ARC: variants seen among roughly 807,000 people sequenced by gnomAD.
ARC encodes the protein activity-regulated cytoskeleton-associated protein.
A neutral mutation model predicts 20.0 loss-of-function variants in ARC; 10 were observed. The ratio of observed to expected loss-of-function variants is 0.50; its 90% CI spans 0.31 to 0.85. ARC has a LOEUF of 0.85. ARC is among the 40% of genes least tolerant of loss of function. The probability of loss-of-function intolerance (pLI) is 0.05; values close to 1 mark genes in which losing one functional copy is unlikely to be tolerated. For synonymous variants in ARC, 269 were observed against 254.1 expected (o/e 1.06, Z -0.56); for missense variants, 454 against 555.5 (o/e 0.82, Z 1.84).
rs371921712 is a variant in ARC, at chr8:142,613,133, G to T, written c.1139C>A (p.Thr380Lys). The stretch of plus-strand genomic sequence containing the variant: ...CACGGACTCGCTGTTGGGGGCGGGC[G>T]TGAGGGTCTCCGCCTCATCCTCCAC... ...LPVEDEAETL[T>K]PAPNSESVAS... The change falls in exon 1 of 3, where the codon ACG (threonine) becomes AAG (lysine). Residue 380 changes from threonine to lysine, a missense_variant. By Grantham distance (78) the Thr-to-Lys change is moderately conservative. This residue lies in a region of ARC where 72 missense variants were observed against 59.4 expected (regional missense o/e 1.21). Transcript: ENST00000356613. The T allele has an allele frequency of 9.4e-6, 15 of 1,591,662 alleles. No homozygotes were observed. The highest frequency in any genetic ancestry group is 1.2e-5 in the Non-Finnish European group (14 of 1,169,858).
chr8:142,614,063 T>G lies in ARC; in HGVS notation c.209A>C (p.Lys70Thr), dbSNP rs1443955798. 1 of 1,603,556 alleles carries G rather than the reference T, an allele frequency of 6.2e-7. No homozygotes were observed. The highest frequency in any genetic ancestry group is 1.1e-5 in the South Asian group (1 of 90,564). Residue 70 changes from lysine to threonine, a missense_variant, in exon 1 of 3, where the codon AAG becomes ACG. Around this residue, in one of 3 missense-constraint regions of ARC, gnomAD observed 265 missense variants for 301.7 expected, o/e 0.88. Coordinates refer to ENST00000356613, the MANE Select transcript of ARC (RefSeq NM_015193.5). ...GTAGCCGTCCAGGTTGCTCTCCAGC[T>G]TCCCGACCGACCGGTGCAGCCCCTT... ...ELKGLHRSVGKLESNLDGYVP... is the reference protein window; with the variant it reads ...ELKGLHRSVGTLESNLDGYVP...
At position 142,613,717 on chromosome 8, in the gene ARC, C is replaced by T. The variant is rs200603512; in HGVS notation, c.555G>A (p.Gly185=). ...ACTGCTGGGCCTCGGCGGGCTCCTG[C>T]CCGGGCAGCTCGCCAGCGGCTGGGG... ...TPPPAAGELP[G]QEPAEAQQYQ... The change falls in exon 1 of 3, where the codon GGG becomes GGA. Residue 185 remains glycine, a synonymous_variant. Coordinates refer to ENST00000356613, the MANE Select transcript of ARC (RefSeq NM_015193.5). The T allele has an allele frequency of 4.5e-6, 7 of 1,557,274 alleles. No homozygotes were observed. In the East Asian group the frequency reaches 1.6e-4, roughly 36 times the overall value.
Position 142,614,402 on chromosome 8 carries a change from CGGG to C in ARC, c.-134_-132del. The C allele has an allele frequency of 1.2e-6, 1 of 820,344 alleles. No homozygotes were observed. Among genetic ancestry groups the C allele is most frequent in the Non-Finnish European group, 1.6e-6 (1 of 612,852 alleles). The allele number at this position is 820,344 out of a possible 1,614,324, so 50.8% of individuals were successfully genotyped here. A position where few individuals can be genotyped will look rare whatever the true frequency, so the allele number is the denominator to read the frequency against. On this transcript the variant is annotated 5_prime_UTR_variant, in exon 1 of 3. Coordinates refer to ENST00000356613, the MANE Select transcript of ARC (RefSeq NM_015193.5). The stretch of plus-strand genomic sequence containing the variant: ...CCTGTCTGTCGCTGCGGGCCGGCGG[CGGG>C]GCCGGCGGAGCACGCCCGGGGAGGC...
In ARC at chr8:142,614,312, C is replaced by A. The variant is rs1385199125; in HGVS notation, c.-41G>T. 3 of 1,360,464 alleles carry A rather than the reference C, an allele frequency of 2.2e-6. No individual in the cohort carries two copies. The highest frequency in any genetic ancestry group is 2.8e-6 in the Non-Finnish European group (3 of 1,059,394). The allele number at this position is 1,360,464 out of a possible 1,614,324, so 84.3% of individuals were successfully genotyped here. A position where few individuals can be genotyped will look rare whatever the true frequency, so the allele number is the denominator to read the frequency against. On this transcript the variant is annotated 5_prime_UTR_variant, in exon 1 of 3. Transcript: ENST00000356613. ...CCGGCAGGCGGCAAACTCCTCGGGG[C>A]GGACAGAGGGTGGTCCGGCGCTGGG...
chr8:142,612,886 G>A lies in ARC; in HGVS notation c.*195C>T. The stretch of plus-strand genomic sequence containing the variant: ...GAGGGTGATGGGTGGAGCCCTGCAG[G>A]GGGGAGGGCTCTTTGCCGCTGGGTG... On this transcript the variant is annotated 3_prime_UTR_variant, in exon 1 of 3. Transcript: ENST00000356613. The A allele has an allele frequency of 1.8e-6, 1 of 561,478 alleles. No individual in the cohort carries two copies. The highest frequency in any genetic ancestry group is 3.2e-6 in the Non-Finnish European group (1 of 317,202). The allele number at this position is 561,478 out of a possible 1,614,324, so 34.8% of individuals were successfully genotyped here. A position where few individuals can be genotyped will look rare whatever the true frequency, so the allele number is the denominator to read the frequency against.
chr8:142,613,650 C>T lies in ARC; in HGVS notation c.622G>A (p.Gly208Ser). The change falls in exon 1 of 3, where the codon GGC (glycine) becomes AGC (serine). Residue 208 changes from glycine (G) to serine (S), a missense_variant. Gly to Ser is a moderately conservative substitution (Grantham distance 56, BLOSUM62 0). Coordinates refer to ENST00000356613, the MANE Select transcript of ARC (RefSeq NM_015193.5). ...TCCTCGAAGATCTGCGTGTCCACGC[C>T]GGGGCTGGGCTGCCCGTCCTCGCCG... is the stretch of plus-strand genomic sequence containing the variant. Reference protein sequence around the residue: ...VPGEDGQPSPGVDTQIFEDPR... With the variant: ...VPGEDGQPSPSVDTQIFEDPR... 2 of 1,570,596 alleles carry T rather than the reference C, an allele frequency of 1.3e-6. No homozygotes were observed. The highest frequency in any genetic ancestry group is 8.6e-7 in the Non-Finnish European group (1 of 1,158,880).
Position 142,613,791 on chromosome 8 carries a change from C to A in ARC, c.481G>T (p.Glu161Ter). ...ACGGTGTAGTCGTAGCCGTCTGCCTCGTGGCAGTAGCTCTCGGGACCCCCC... is the reference window on the plus strand; with the variant it reads ...ACGGTGTAGTCGTAGCCGTCTGCCTAGTGGCAGTAGCTCTCGGGACCCCCC... ...GVGGPESYCH[E>*]ADGYDYTVSP... Residue 161 changes from glutamate (E) to a stop codon, truncating the protein, a stop_gained, in exon 1 of 3, where the codon GAG becomes TAG. Transcript: ENST00000356613. LOFTEE classifies it high-confidence loss of function. 1 of 1,552,944 alleles carries A rather than the reference C, an allele frequency of 6.4e-7. No homozygotes were observed. Among genetic ancestry groups the A allele is most frequent in the Non-Finnish European group, 8.6e-7 (1 of 1,156,128 alleles).
rs1846278804 is a variant in ARC at position 142,613,624 on chromosome 8, G to A, written c.648C>T (p.Asp216=). The stretch of plus-strand genomic sequence containing the variant: ...CTAGGTGGCTCAGGAACTCTCGAGG[G>A]TCCTCGAAGATCTGCGTGTCCACGC... ...SPGVDTQIFE[D]PREFLSHLEE... is the part of the protein sequence containing the mutation. Residue 216 remains aspartate, a synonymous_variant, in exon 1 of 3, where the codon GAC becomes GAT. Transcript: ENST00000356613. 3 of 1,579,766 alleles carry A rather than the reference G, an allele frequency of 1.9e-6. No individual in the cohort carries two copies. The highest frequency in any genetic ancestry group is 4.5e-5 in the East Asian group (2 of 44,342).
In ARC at chr8:142,614,006, T is replaced by A. The variant is rs770423305; in HGVS notation, c.266A>T (p.Lys89Met). 4 of 1,609,068 alleles carry A rather than the reference T, an allele frequency of 2.5e-6. No individual in the cohort carries two copies. In the Admixed American group the frequency reaches 6.7e-5, roughly 27 times the overall value. The stretch of plus-strand genomic sequence containing the variant: ...GCGGCACAGGCAGGCCTTGATGGAC[T>A]TCTTCCAGCGCTGCGAGTCGCTCGT... ...VPTSDSQRWK[K>M]SIKACLCRCQ... is the part of the protein sequence containing the mutation. Residue 89 changes from lysine (K) to methionine (M), a missense_variant, in exon 1 of 3, where the codon AAG (lysine) becomes ATG (methionine). Lys to Met is a moderately conservative substitution (Grantham distance 95, BLOSUM62 -1). This residue lies in a region of ARC where 265 missense variants were observed against 301.7 expected (regional missense o/e 0.88). Transcript: ENST00000356613.
Position 142,612,730 on chromosome 8 carries a change from T to C in ARC, c.*351A>G. The C allele has an allele frequency of 3.8e-6, 1 of 263,690 alleles. No homozygotes were observed. Among genetic ancestry groups the C allele is most frequent in the Non-Finnish European group, 7.3e-6 (1 of 137,752 alleles). The allele number at this position is 263,690 out of a possible 1,614,324, so 16.3% of individuals were successfully genotyped here. Reference sequence around the variant, plus strand: ...CATGAGCTTGGTGGCCGCTGGCCCCTGCCATCCGGACACTTGGTTTTCTGG... The same window carrying C: ...CATGAGCTTGGTGGCCGCTGGCCCCCGCCATCCGGACACTTGGTTTTCTGG... On this transcript the variant is annotated 3_prime_UTR_variant, in exon 1 of 3. Transcript: ENST00000356613.
rs1846279782 is a variant in ARC, at chr8:142,613,680, C to T, written c.592G>A (p.Val198Ile). Residue 198 changes from valine (V) to isoleucine (I), a missense_variant, in exon 1 of 3, where the codon GTC becomes ATC. By Grantham distance (29) the Val-to-Ile change is conservative. This residue lies in a region of ARC where 265 missense variants were observed against 301.7 expected (regional missense o/e 0.88). Transcript: ENST00000356613. ...PAEAQQYQPW[V>I]PGEDGQPSPG... The stretch of plus-strand genomic sequence containing the variant: ...CTGGGCTGCCCGTCCTCGCCGGGGA[C>T]CCACGGCTGGTACTGCTGGGCCTCG... The T allele has an allele frequency of 6.4e-7, 1 of 1,569,802 alleles. No individual in the cohort carries two copies. The highest frequency in any genetic ancestry group is 8.6e-7 in the Non-Finnish European group (1 of 1,160,282).
In ARC at chr8:142,614,422, C is replaced by G. The variant is rs938214759; in HGVS notation, c.-151G>C. On this transcript the variant is annotated 5_prime_UTR_variant, in exon 1 of 3. Coordinates refer to ENST00000356613, the MANE Select transcript of ARC (RefSeq NM_015193.5). ...GGCGGCGGGGCCGGCGGAGCACGCC[C>G]GGGGAGGCAGGTCCGGCTCGGCTGC... The G allele has an allele frequency of 1.5e-5, 9 of 612,878 alleles. No homozygotes were observed. Among genetic ancestry groups the G allele is most frequent in the African/African-American group, 9.6e-5 (5 of 52,134 alleles). The allele number at this position is 612,878 out of a possible 1,614,324, so 38.0% of individuals were successfully genotyped here. A position where few individuals can be genotyped will look rare whatever the true frequency, so the allele number is the denominator to read the frequency against.
rs1846288704 is a variant in ARC, at chr8:142,614,365, C to A, written c.-94G>T. Reference sequence around the variant, plus strand: ...CCGGCGGCCTGGGTCCCGTGCGGAGCTGCGGGGAGCGCCTGTCTGTCGCTG... The same window carrying A: ...CCGGCGGCCTGGGTCCCGTGCGGAGATGCGGGGAGCGCCTGTCTGTCGCTG... On this transcript the variant is annotated 5_prime_UTR_variant, in exon 1 of 3. Coordinates refer to ENST00000356613, the MANE Select transcript of ARC (RefSeq NM_015193.5). The A allele has an allele frequency of 1.8e-6, 2 of 1,093,674 alleles. No homozygotes were observed. Among genetic ancestry groups the A allele is most frequent in the Non-Finnish European group, 2.3e-6 (2 of 855,586 alleles). The allele number at this position is 1,093,674 out of a possible 1,614,324, so 67.7% of individuals were successfully genotyped here.
At position 142,612,863 on chromosome 8, in the gene ARC, G is replaced by T. The variant is rs985194781; in HGVS notation, c.*218C>A. 25 of 523,098 alleles carry T rather than the reference G, an allele frequency of 4.8e-5. No homozygotes were observed. Among genetic ancestry groups the T allele is most frequent in the Non-Finnish European group, 8.5e-5 (25 of 295,362 alleles). 32.4% of individuals were successfully genotyped at this position (523,098 alleles called of 1,614,324 possible). ...CAGGCCGGAAAGACAGACGGAGGGA[G>T]GGTGATGGGTGGAGCCCTGCAGGGG... On this transcript the variant is annotated 3_prime_UTR_variant, in exon 1 of 3. Coordinates refer to ENST00000356613, the MANE Select transcript of ARC (RefSeq NM_015193.5).
rs758614505 is a variant in ARC, at chr8:142,613,851, T to C, written c.421A>G (p.Ser141Gly). The C allele has an allele frequency of 6.5e-7, 1 of 1,543,278 alleles. No homozygotes were observed. The highest frequency in any genetic ancestry group is 8.7e-7 in the Non-Finnish European group (1 of 1,149,900). The change falls in exon 1 of 3, where the codon AGC (serine) becomes GGC (glycine). Residue 141 changes from serine to glycine, a missense_variant. By Grantham distance (56) the Ser-to-Gly change is moderately conservative. Transcript: ENST00000356613. ...ESTGGKYPVG[S>G]ESARHTVSVG... ...GAAACGGTGTGGCGGGCTGACTCGC[T>C]GCCCACCGGGTACTTGCCGCCCGTG...
chr8:142,613,194 C>G lies in ARC; in HGVS notation c.1078G>C (p.Glu360Gln), dbSNP rs1846272413. The part of the protein sequence containing the change: ...QRGMEVQDDL[E>Q]QAAEPAGPHL... ...GGGCCGGCCGGCTCGGCCGCCTGCT[C>G]CAGGTCATCCTGCACCTCCATGCCC... The change falls in exon 1 of 3, where the codon GAG becomes CAG. Residue 360 changes from glutamate to glutamine, a missense_variant. Around this residue, in one of 3 missense-constraint regions of ARC, gnomAD observed 72 missense variants for 59.4 expected, o/e 1.21. Transcript: ENST00000356613. 6.2e-7 allele frequency: 1 copy of G among 1,611,920 alleles called. No homozygotes were observed.
In ARC at chr8:142,611,110, A is replaced by C. The variant is rs587693322; in HGVS notation, c.*1490T>G. On this transcript the variant is annotated 3_prime_UTR_variant, in exon 3 of 3. Coordinates refer to ENST00000356613, the MANE Select transcript of ARC (RefSeq NM_015193.5). ...AGAGTCTGTCTCTGGGGTAAGGTGCACAGGGCCTGGACCGACATTTAAGGC... is the reference window on the plus strand; with the variant it reads ...AGAGTCTGTCTCTGGGGTAAGGTGCCCAGGGCCTGGACCGACATTTAAGGC... The C allele has an allele frequency of 1.3e-5, 2 of 152,710 alleles. No individual in the cohort carries two copies. Among genetic ancestry groups the C allele is most frequent in the South Asian group, 4.1e-4 (2 of 4,828 alleles). 9.5% of individuals were successfully genotyped at this position (152,710 alleles called of 1,614,324 possible). A position where few individuals can be genotyped will look rare whatever the true frequency, so the allele number is the denominator to read the frequency against.
In ARC at chr8:142,613,107, C is replaced by G. The variant is rs1320277133; in HGVS notation, c.1165G>C (p.Ala389Pro). 27 of 1,558,986 alleles carry G rather than the reference C, an allele frequency of 1.7e-5. No individual in the cohort carries two copies. The highest frequency in any genetic ancestry group is 2.2e-5 in the Non-Finnish European group (25 of 1,153,354). ...LTPAPNSESV[A>P]SDRTQPE is the part of the protein sequence containing the mutation. ...TACTCGGGCTGGGTCCGGTCACTGG[C>G]CACGGACTCGCTGTTGGGGGCGGGC... The change falls in exon 1 of 3, where the codon GCC becomes CCC. Residue 389 changes from alanine (A) to proline (P), a missense_variant. Coordinates refer to ENST00000356613, the MANE Select transcript of ARC (RefSeq NM_015193.5).
rs1846278012 is a variant in ARC at position 142,613,552 on chromosome 8, G to C, written c.720C>G (p.Ser240=). Reference sequence around the variant, plus strand: ...GCCCGTTCATGTGATTCTGGATCTGGGACAGCCAGTACTCCTCAGAGCCGC... The same window carrying C: ...GCCCGTTCATGTGATTCTGGATCTGCGACAGCCAGTACTCCTCAGAGCCGC... ...QVGGSEEYWL[S]QIQNHMNGPA... The change falls in exon 1 of 3, where the codon TCC becomes TCG. Residue 240 remains serine (S), a synonymous_variant. Coordinates refer to ENST00000356613, the MANE Select transcript of ARC (RefSeq NM_015193.5). 6.2e-7 allele frequency: 1 copy of C among 1,610,276 alleles called. No individual in the cohort carries two copies. Among genetic ancestry groups the C allele is most frequent in the African/African-American group, 1.3e-5 (1 of 74,886 alleles).
Sources: gnomAD v4.1 joint callset for allele counts on GRCh38, gnomAD v4.1.1 for gene constraint, gnomAD v4.1.1 regional missense constraint, MANE v1.5 for transcripts, NCBI Gene and HGNC (gene_info 2026-07-23, HGNC 2026-07-21) for gene names.